The following RBM26 variants were observed in gnomAD, a reference collection of about 807,000 sequenced individuals.
RBM26 encodes RNA binding motif protein 26.
In RBM26, 30 loss-of-function variants were observed where a neutral mutation model predicts 123.6. That is an observed-to-expected ratio of 0.24 (90% CI 0.18 to 0.33). RBM26 has a LOEUF of 0.33. Among genes scored for constraint, RBM26 ranks in the 10% least tolerant of loss-of-function variants. RBM26 has a pLI of 1.00. For synonymous variants in RBM26, 400 were observed against 404.4 expected, an observed-to-expected ratio of 0.99 and a Z score of 0.13; for missense variants, 947 against 1,203.6, an observed-to-expected ratio of 0.79 and a Z score of 3.15.
At chr13:79,349,817 C>T (rs2072956396) in intron 14 of RBM26, among the ~76,000 whole-genome samples, 1 of 151,824 alleles carries the variant, frequency 6.6e-6, no homozygotes, top group South Asian at 2.1e-4. Context: ...CTCCTGCCAG[C>T]CTCCCAAGTA....
At chr13:79,371,438 T>A (rs754362609) in intron 4 of RBM26, among the ~76,000 whole-genome samples, 8 of 152,148 alleles carry the variant, frequency 5.3e-5, no homozygotes, top group Non-Finnish European at 8.8e-5. Flanking sequence ...TTAGAGTACA[T>A]ATAGAACATA....
chr13:79,392,475 TG>T (rs1354142555), intron 1 of RBM26, among the ~76,000 whole-genome samples: 3 of 146,528 alleles, frequency 2.0e-5, no homozygotes, highest in Non-Finnish European at 3.0e-5. Flanking sequence ...ATATATGTAA[TG>T]GTTACATCAT....
At chr13:79,348,336 GA>G (rs2072664408) in intron 14 of RBM26, among the ~76,000 whole-genome samples, 1 of 152,038 alleles carries the variant, frequency 6.6e-6, no homozygotes, top group African/African-American at 2.4e-5. Flanking sequence ...TCCCTAAAGA[GA>G]GGGAGGTTAC....
intron 2 of RBM26, 137 bp from the exon 3 acceptor site, chr13:79,377,652 C>T (rs2076757981): frequency 2.8e-6 from 2 of 716,080 alleles, no homozygotes; most frequent in South Asian, 4.0e-5. Context: ...ACTGGCCAGG[C>T]GTGGTGGCTT....
intron 4 of RBM26, 102 bp downstream of exon 4, chr13:79,371,740 T>A: frequency 2.7e-6 from 2 of 750,180 alleles, no homozygotes; most frequent in South Asian, 1.7e-5. Context: ...AATAAAAGAG[T>A]AGATATTACT....
chr13:79,316,866 C>T (rs1335778838), downstream of RBM26, among the ~76,000 whole-genome samples: 1 of 151,690 alleles, frequency 6.6e-6, no homozygotes, highest in Non-Finnish European at 1.5e-5. Flanking sequence ...GTCCTCAATC[C>T]TTTACCAACT....
Position 79,386,591 on chromosome 13 carries a change from T to TAAAA in RBM26, c.72-7688_72-7685dup, listed in dbSNP as rs398023598. On this transcript the variant is annotated intron_variant, in intron 1 of 21. Coordinates refer to ENST00000438737, the MANE Select transcript of RBM26 (RefSeq NM_001366735.2). ...ACATCAAGCCACAGAACTCTCTCTT[T>TAAAA]AAAAAAAAAAAAAAAAAAAAGGTGT... Among the ~76,000 whole-genome samples, 18 of 92,832 alleles carry TAAAA rather than the reference T, an allele frequency of 1.9e-4. 5 individuals carry two copies. The highest frequency in any genetic ancestry group is 4.8e-4 in the Admixed American group (3 of 6,276). 60.9% of individuals were successfully genotyped at this position (92,832 alleles called of 152,430 possible).
At chr13:79,345,377 T>C (rs778327551) in intron 14 of RBM26, among the ~76,000 whole-genome samples, 17 of 152,152 alleles carry the variant, frequency 1.1e-4, no homozygotes, top group Non-Finnish European at 1.3e-4. Flanking sequence ...TAGGTCCTTA[T>C]ATGAAATTTT....
intron 20 of RBM26, among the ~76,000 whole-genome samples, chr13:79,327,882 A>G (rs2138609464): frequency 6.6e-6 from 1 of 152,238 alleles, no homozygotes; most frequent in South Asian, 2.1e-4. Context: ...ACCAGTATGC[A>G]ATATACTCAT....
intron 14 of RBM26, among the ~76,000 whole-genome samples, chr13:79,346,193 T>A (rs183874956): frequency 6.6e-6 from 1 of 152,326 alleles, no homozygotes; most frequent in African/African-American, 2.4e-5. Flanking sequence ...TGAAGACTAC[T>A]TTCTAATCTT....
At position 79,366,800 on chromosome 13, in the gene RBM26, A is replaced by G. The variant is rs764596559; in HGVS notation, c.968T>C (p.Val323Ala). The change falls in exon 7 of 22, where the codon GTG becomes GCG. Residue 323 changes from valine (V) to alanine (A), a missense_variant. Val to Ala is a moderately conservative substitution (Grantham distance 64). This residue lies in a region of RBM26 where 11 missense variants were observed against 44.5 expected (regional missense o/e 0.25). Transcript: ENST00000438737. ...HGSDPVVVED[V>A]NLPGMLPFPA... is the part of the protein sequence containing the mutation. ...GAAAGGCAGCATACCAGGAAGATTC[A>G]CATCTTCTACAACTACTGGATCACT... The G allele has an allele frequency of 6.2e-7, 1 of 1,613,722 alleles. No individual in the cohort carries two copies. The highest frequency in any genetic ancestry group is 1.1e-5 in the South Asian group (1 of 91,066).
intron 14 of RBM26, among the ~76,000 whole-genome samples, chr13:79,349,667 AAC>A (rs1393421835): frequency 6.6e-6 from 1 of 151,998 alleles, no homozygotes; most frequent in Non-Finnish European, 1.5e-5. Context: ...AATAGTCAAT[AAC>A]AGTTAAGAAA....
intron 10 of RBM26, among the ~76,000 whole-genome samples, 155 bp downstream of exon 10, chr13:79,359,416 CAACT>C (rs2074403754): frequency 6.6e-6 from 1 of 152,154 alleles, no homozygotes; most frequent in African/African-American, 2.4e-5. Flanking sequence ...TAACATCAGA[CAACT>C]AACTTGCCAA....
intron 3 of RBM26, chr13:79,376,217 CCAGA>C (rs1217327446): frequency 6.6e-6 from 1 of 150,416 alleles, no homozygotes; most frequent in Non-Finnish European, 1.5e-5. Flanking sequence ...TTTTTTTTTT[CCAGA>C]CAGGGTCTTG....
intron 20 of RBM26, among the ~76,000 whole-genome samples, chr13:79,326,414 G>A (rs375446475): frequency 2.6e-5 from 4 of 152,188 alleles, no homozygotes; most frequent in South Asian, 2.1e-4. Flanking sequence ...GGGCTAGGAC[G>A]TAGTGGTCAA....
rs78714551 is a variant in RBM26, at chr13:79,405,474, T to C, written c.71+230A>G. On this transcript the variant is annotated intron_variant, in intron 1 of 21. Coordinates refer to ENST00000438737, the MANE Select transcript of RBM26 (RefSeq NM_001366735.2). ...GGGTGGGGGTTGGAGACGGTCTATA[T>C]ATAACGGGAAAACGAGAGCAGCTCA... Among the ~76,000 whole-genome samples the C allele has an allele frequency of 6.7e-3, 1,019 of 151,700 alleles. 17 individuals are homozygous for C. The highest frequency in any genetic ancestry group is 0.023 in the African/African-American group (941 of 41,366).
chr13:79,363,784 T>C (rs1340189862), intron 9 of RBM26, among the ~76,000 whole-genome samples: 5 of 152,160 alleles, frequency 3.3e-5, no homozygotes, highest in Non-Finnish European at 5.9e-5. Context: ...TGCCCTAGCA[T>C]GTGAATGGAT....
At chr13:79,370,188 T>G (rs9318635) in intron 5 of RBM26, among the ~76,000 whole-genome samples, 2 of 152,030 alleles carry the variant, frequency 1.3e-5, no homozygotes, top group Admixed American at 1.3e-4. Context: ...TGGTGGCACT[T>G]GCCTGTAATC....
At chr13:79,326,204 C>T (rs6563099) in intron 20 of RBM26, among the ~76,000 whole-genome samples, 150,352 of 152,356 alleles carry the variant, frequency 0.99, 74,229 homozygotes, top group East Asian at 1. Context: ...TATTGTACTA[C>T]ATTATCTGCT....
Sources: allele counts gnomAD v4.1 joint callset (sites outside exome capture counted in the v4.1 genomes callset), GRCh38; gene constraint gnomAD v4.1.1; regional missense constraint gnomAD v4.1.1; transcripts MANE v1.5; gene names NCBI Gene and HGNC (gene_info 2026-07-23, HGNC 2026-07-21).